The following STX10 variants were observed in gnomAD, a reference collection of about 807,000 sequenced individuals.
STX10 encodes the protein syntaxin-10.
A neutral mutation model predicts 34.1 loss-of-function variants in STX10; 35 were observed. The ratio of observed to expected loss-of-function variants is 1.03; its 90% confidence interval spans 0.78 to 1.36. STX10 has a LOEUF of 1.36. Ranked by LOEUF, STX10 falls within the 40% of genes most tolerant of loss-of-function variation. The pLI is 0.00. For synonymous variants in STX10, 155 were observed against 132.9 expected (o/e 1.17, Z -1.15); for missense variants, 361 against 335.5 (o/e 1.08, Z -0.59).
Position 13,150,158 on chromosome 19 carries a change from G to C in STX10, c.16C>G (p.Pro6Ala), listed in dbSNP as rs2020027720. MSLEDPFFVVRGEVQK... is the reference protein window; with the variant it reads MSLEDAFFVVRGEVQK... ...ACTCACCCTCGGACTACAAAAAAGG[G>C]GTCTTCGAGAGACATGTCAGTCCCT... Residue 6 changes from proline to alanine, a missense_variant, in exon 1 of 8, where the codon CCC becomes GCC. Coordinates refer to ENST00000587230, the MANE Select transcript of STX10 (RefSeq NM_003765.3). The surrounding 1 kb of genome is among the most constrained non-coding windows in gnomAD (Gnocchi z 4.0). 2.5e-6 allele frequency: 3 copies of C among 1,180,362 alleles called. No homozygotes were observed. Among genetic ancestry groups the C allele is most frequent in the South Asian group, 2.5e-5 (2 of 78,496 alleles). 73.1% of individuals were successfully genotyped at this position (1,180,362 alleles called of 1,614,324 possible).
intron 4 of STX10, among the ~76,000 whole-genome samples, chr19:13,146,683 G>C (rs1158994166): frequency 6.6e-6 from 1 of 151,812 alleles, no homozygotes; most frequent in African/African-American, 2.4e-5. Context: ...TGAGATTACA[G>C]GTGATCACCA....
intron 1 of STX10, 22 bp from the exon 2 acceptor site, chr19:13,149,919 GC>G: frequency 6.5e-7 from 1 of 1,547,518 alleles, no homozygotes; most frequent in Non-Finnish European, 8.7e-7. Flanking sequence ...GGCACGGCGG[GC>G]GCGGCTGGGG....
chr19:13,147,432 C>A (rs994132569), intron 4 of STX10, among the ~76,000 whole-genome samples: 1 of 151,298 alleles, frequency 6.6e-6, no homozygotes, highest in Non-Finnish European at 1.5e-5. Context: ...ACCACTGCAC[C>A]CCAGCCTGGG....
chr19:13,150,263 C>T lies in STX10; in HGVS notation c.-90G>A, dbSNP rs1319070221. ...CAACCGAGGAGAACGCGCCGCCACC[C>T]CCGCCCCCGTCACGCCACCATCGAG... On this transcript the variant is annotated 5_prime_UTR_variant, in exon 1 of 8. Transcript: ENST00000587230. This position sits in a 1 kb window ranked among gnomAD's most constrained non-coding sequence, Gnocchi z 4.0. The T allele has an allele frequency of 1.5e-6, 1 of 665,322 alleles. No individual in the cohort carries two copies. The allele number at this position is 665,322 out of a possible 1,614,324, so 41.2% of individuals were successfully genotyped here. A position where few individuals can be genotyped will look rare whatever the true frequency, so the allele number is the denominator to read the frequency against.
At chr19:13,144,945 TC>T in intron 5 of STX10, 75 bp from the exon 6 acceptor site, 1 of 1,370,584 alleles carries the variant, frequency 7.3e-7, no homozygotes. Flanking sequence ...ATGACTGTAA[TC>T]CCAGCACTCT....
intron 4 of STX10, among the ~76,000 whole-genome samples, chr19:13,147,826 G>A (rs1191732602): frequency 2.7e-5 from 4 of 150,374 alleles, no homozygotes; most frequent in East Asian, 2.0e-4. Flanking sequence ...CCCGGGAGGC[G>A]GAGGCTGCAG....
rs546725617 is a variant in STX10 at position 13,145,320 on chromosome 19, G to A, written c.439C>T (p.Arg147Cys). The A allele has an allele frequency of 4.0e-4, 641 of 1,611,832 alleles. 3 individuals carry two copies. The South Asian group carries it at 6.5e-3, about 16-fold the overall frequency. ...GTGGCCTGCTGCTCCTCGATGTAGC[G>A]AGATGTGGCCGAGACTGCGCTGGCA... ...LDASAVSATS[R>C]YIEEQQATQQ... The change falls in exon 5 of 8, where the codon CGC (arginine) becomes TGC (cysteine). Residue 147 changes from arginine (R) to cysteine (C), a missense_variant. Physicochemically the swap from Arg to Cys is radical, Grantham distance 180 (BLOSUM62 -3). Coordinates refer to ENST00000587230, the MANE Select transcript of STX10 (RefSeq NM_003765.3).
Position 13,144,069 on chromosome 19 carries a change from A to C in STX10, c.*341T>G. ...CCACACGACACAAATACGTATAAAAAAGGCTGACATTTTATTTCCAGGTTG... is the reference window on the plus strand; with the variant it reads ...CCACACGACACAAATACGTATAAAACAGGCTGACATTTTATTTCCAGGTTG... On this transcript the variant is annotated 3_prime_UTR_variant, in exon 8 of 8. Transcript: ENST00000587230. 1 of 354,214 alleles carries C rather than the reference A, an allele frequency of 2.8e-6. No homozygotes were observed. Among genetic ancestry groups the C allele is most frequent in the East Asian group, 4.9e-5 (1 of 20,346 alleles). 21.9% of individuals were successfully genotyped at this position (354,214 alleles called of 1,614,324 possible).
chr19:13,147,162 GA>G (rs1434818369), intron 4 of STX10, among the ~76,000 whole-genome samples: 2 of 151,710 alleles, frequency 1.3e-5, no homozygotes, highest in African/African-American at 2.4e-5. Context: ...TATGAGGGGG[GA>G]AAATGCAGAT....
intron 5 of STX10, 146 bp from the exon 6 acceptor site, chr19:13,145,016 T>G (rs1004556586): frequency 2.3e-5 from 17 of 743,604 alleles, no homozygotes; most frequent in Non-Finnish European, 2.8e-5. Flanking sequence ...CTGGCCAACA[T>G]GGTGAAACCC....
chr19:13,150,106 C>T lies in STX10; in HGVS notation c.35+33G>A. The stretch of plus-strand genomic sequence containing the variant: ...GGCACTGGCTGGCTTGGGTACAGAG[C>T]ACCCTCCGCCCTCCCCCGTCGTTGT... On this transcript the variant is annotated intron_variant, in intron 1 of 7. Transcript: ENST00000587230. The surrounding 1 kb of genome is among the most constrained non-coding windows in gnomAD (Gnocchi z 4.0). 8.9e-7 allele frequency: 1 copy of T among 1,126,820 alleles called. No individual in the cohort carries two copies. The highest frequency in any genetic ancestry group is 1.3e-6 in the Non-Finnish European group (1 of 753,970). The allele number at this position is 1,126,820 out of a possible 1,614,324, so 69.8% of individuals were successfully genotyped here. A position where few individuals can be genotyped will look rare whatever the true frequency, so the allele number is the denominator to read the frequency against.
chr19:13,148,371 C>T (rs1187296988), intron 4 of STX10, among the ~76,000 whole-genome samples: 1 of 151,034 alleles, frequency 6.6e-6, no homozygotes, highest in East Asian at 2.0e-4. Flanking sequence ...GGCATGGTGG[C>T]GTATGCCTAT....
At chr19:13,147,185 CCAAGTGCACGCACCCAAATAGGTTAGGTG>C (rs758540636) in intron 4 of STX10, among the ~76,000 whole-genome samples, 11 of 151,756 alleles carry the variant, frequency 7.2e-5, no homozygotes, top group Admixed American at 4.6e-4. Context: ...CACTCAGAGG[CCAAGTGCACGCACCCAAATAGGTTAGGTG>C]CATGCACAGA....
intron 4 of STX10, 91 bp downstream of exon 4, chr19:13,148,938 G>T: frequency 9.1e-7 from 1 of 1,097,904 alleles, no homozygotes; most frequent in Non-Finnish European, 1.4e-6. Context: ...GACGGGCACT[G>T]TCGCAAAAGG....
Position 13,144,686 on chromosome 19 carries a change from A to C in STX10, c.579-15T>G. The C allele has an allele frequency of 6.2e-7, 1 of 1,613,908 alleles. No individual in the cohort carries two copies. Among genetic ancestry groups the C allele is most frequent in the Non-Finnish European group, 8.5e-7 (1 of 1,179,968 alleles). ...CATCCAGCATGCTGCCAAGAACAGGATGGCATCAGCCCCAGATGGCCCAGA... is the reference window on the plus strand; with the variant it reads ...CATCCAGCATGCTGCCAAGAACAGGCTGGCATCAGCCCCAGATGGCCCAGA... On this transcript the variant is annotated splice_polypyrimidine_tract_variant and intron_variant, in intron 6 of 7. Coordinates refer to ENST00000587230, the MANE Select transcript of STX10 (RefSeq NM_003765.3).
At position 13,149,027 on chromosome 19, in the gene STX10, A is replaced by G. The variant is rs1307743095; in HGVS notation, c.363+2T>C. 6.2e-7 allele frequency: 1 copy of G among 1,600,598 alleles called. No individual in the cohort carries two copies. The highest frequency in any genetic ancestry group is 8.5e-7 in the Non-Finnish European group (1 of 1,173,328). ...TGGGCAGGGTGGGTCAGGAAGGCTT[A>G]CCTCTCTGTTATTCCTCTCCAAAAA... On this transcript the variant is annotated splice_donor_variant, in intron 4 of 7. Coordinates refer to ENST00000587230, the MANE Select transcript of STX10 (RefSeq NM_003765.3). LOFTEE classifies it high-confidence loss of function.
At chr19:13,147,157 G>C (rs1226845820) in intron 4 of STX10, among the ~76,000 whole-genome samples, 2 of 151,588 alleles carry the variant, frequency 1.3e-5, no homozygotes, top group Non-Finnish European at 1.5e-5. Flanking sequence ...TAGGATATGA[G>C]GGGGGAAAAT....
In STX10 at chr19:13,149,851, A is replaced by T. The variant is rs756398369; in HGVS notation, c.82T>A (p.Trp28Arg). The T allele has an allele frequency of 6.2e-7, 1 of 1,612,572 alleles. No individual in the cohort carries two copies. Among genetic ancestry groups the T allele is most frequent in the Non-Finnish European group, 8.5e-7 (1 of 1,179,686 alleles). The change falls in exon 2 of 8, where the codon TGG becomes AGG. Residue 28 changes from tryptophan to arginine, a missense_variant. Physicochemically the swap from Trp to Arg is moderately radical, Grantham distance 101. Transcript: ENST00000587230. Reference protein sequence around the residue: ...VNTARGLYQRWCELLQESAAV... With the variant: ...VNTARGLYQRRCELLQESAAV... ...GCGCTTTCCTGCAGGAGCTCGCACC[A>T]GCGCTGGTACAGCCCGCGGGCCGTG...
chr19:13,149,804 C>T lies in STX10; in HGVS notation c.129G>A (p.Leu43=). 6 of 1,614,026 alleles carry T rather than the reference C, an allele frequency of 3.7e-6. No homozygotes were observed. Among genetic ancestry groups the T allele is most frequent in the Non-Finnish European group, 5.1e-6 (6 of 1,180,044 alleles). ...TCCGCAGCTCATTGGTCGTCCAGTC[C>T]AGCTCCTCGCGTCCGACCGCCGCGC... ...QESAAVGREE[L]DWTTNELRNG... Residue 43 remains leucine, a synonymous_variant, in exon 2 of 8, where the codon CTG becomes CTA. Transcript: ENST00000587230.
Sources: allele counts gnomAD v4.1 joint callset (sites outside exome capture counted in the v4.1 genomes callset), GRCh38; gene constraint gnomAD v4.1.1; non-coding constraint Gnocchi (gnomAD v3.1); transcripts MANE v1.5; gene names NCBI Gene and HGNC (gene_info 2026-07-23, HGNC 2026-07-21).